SCAPER: variants seen among roughly 807,000 people sequenced by gnomAD.
SCAPER encodes the protein S phase cyclin A-associated protein in the endoplasmic reticulum.
Under a neutral mutation model 182.2 loss-of-function variants are expected in SCAPER, and 98 were observed. The ratio of observed to expected loss-of-function variants is 0.54; its 90% confidence interval spans 0.46 to 0.64. The LOEUF is 0.64. Among genes scored for constraint, SCAPER ranks in the 30% least tolerant of loss-of-function variants. The probability of loss-of-function intolerance (pLI) is 0.00; values close to 1 mark genes in which losing one functional copy is unlikely to be tolerated. For synonymous variants in SCAPER, 605 were observed against 564.6 expected, an observed-to-expected ratio of 1.07 and a Z score of -1.01; for missense variants, 1,432 against 1,690.0, an observed-to-expected ratio of 0.85 and a Z score of 2.68.
chr15:76,821,379 G>A (rs1165769773), intron 5 of SCAPER, among the ~76,000 whole-genome samples: 1 of 152,234 alleles, frequency 6.6e-6, no homozygotes, highest in African/African-American at 2.4e-5. Flanking sequence ...AGCACTTTGG[G>A]AGGCCAGGGC....
rs575462864 is a variant in SCAPER at position 76,610,701 on chromosome 15, ATTAC to A, written c.2711+11059_2711+11062del. 3.0e-3 allele frequency among the ~76,000 whole-genome samples: 451 copies of A among 152,340 alleles called. 1 individual carries two copies. The highest frequency in any genetic ancestry group is 5.6e-3 in the Non-Finnish European group (384 of 68,026). On this transcript the variant is annotated intron_variant, in intron 22 of 31. Coordinates refer to ENST00000563290, the MANE Select transcript of SCAPER (RefSeq NM_020843.4). Reference sequence around the variant, plus strand: ...TTTACATTAACAAGAAAAACAAAAAATTACTTAGTAATTAACTAAAAAGGTGAAA... The same window carrying A: ...TTTACATTAACAAGAAAAACAAAAAATTAGTAATTAACTAAAAAGGTGAAA...
At chr15:76,733,586 T>TA (rs571296940) in intron 15 of SCAPER, among the ~76,000 whole-genome samples, 7,566 of 138,288 alleles carry the variant, frequency 0.055, 208 homozygotes, top group South Asian at 0.13. Context: ...CCATCTCTAC[T>TA]AAAAAAAAAA....
chr15:76,517,608 C>G (rs1341166811), intron 23 of SCAPER, among the ~76,000 whole-genome samples: 1 of 152,102 alleles, frequency 6.6e-6, no homozygotes, highest in Non-Finnish European at 1.5e-5. Context: ...GCCTCGGCCT[C>G]CCAAAGCGCT....
chr15:76,518,402 C>A, intron 23 of SCAPER, among the ~76,000 whole-genome samples: 1 of 152,092 alleles, frequency 6.6e-6, no homozygotes, highest in East Asian at 1.9e-4. Flanking sequence ...TTCCAAGAAG[C>A]AGCTGGGGTA....
chr15:76,644,177 C>G (rs926711528), intron 21 of SCAPER, among the ~76,000 whole-genome samples: 8 of 152,186 alleles, frequency 5.3e-5, no homozygotes, highest in African/African-American at 1.4e-4. Flanking sequence ...CATTCTCTTA[C>G]AAGCACACAG....
At chr15:76,747,634 G>A (rs1028085037) in intron 15 of SCAPER, among the ~76,000 whole-genome samples, 2 of 152,152 alleles carry the variant, frequency 1.3e-5, no homozygotes, top group East Asian at 1.9e-4. Flanking sequence ...GGGGAGAGGG[G>A]TGAGTTCTGC....
chr15:76,839,997 T>C (rs2069309385), intron 5 of SCAPER, among the ~76,000 whole-genome samples: 2 of 152,228 alleles, frequency 1.3e-5, no homozygotes, highest in Non-Finnish European at 2.9e-5. Flanking sequence ...AATCTAGAGA[T>C]ATTCTAAGCC....
Position 76,700,582 on chromosome 15 carries a change from A to G in SCAPER, c.2508+1176T>C, listed in dbSNP as rs1361892829. 2.0e-5 allele frequency among the ~76,000 whole-genome samples: 3 copies of G among 152,126 alleles called. No homozygotes were observed. In the East Asian group the frequency reaches 5.8e-4, roughly 30 times the overall value. On this transcript the variant is annotated intron_variant, in intron 20 of 31. Coordinates refer to ENST00000563290, the MANE Select transcript of SCAPER (RefSeq NM_020843.4). ...TACTCTCAATGCCTTCCTTAGGAAG[A>G]TCTGCTCAGAGTGTGCCAGCCTTCT...
intron 20 of SCAPER, among the ~76,000 whole-genome samples, chr15:76,686,849 G>C (rs553566387): frequency 4.6e-5 from 7 of 152,034 alleles, no homozygotes; most frequent in African/African-American, 1.7e-4. Context: ...CAAAATAAAA[G>C]TATACATTTT....
chr15:76,667,737 G>C (rs11630402), intron 20 of SCAPER, among the ~76,000 whole-genome samples: 41,375 of 149,924 alleles, frequency 0.28, 6,420 homozygotes, highest in East Asian at 0.56. Flanking sequence ...AGGATCACTT[G>C]AGGGCAAGAG....
chr15:76,395,877 G>A (rs931138450), intron 27 of SCAPER, among the ~76,000 whole-genome samples: 1 of 151,986 alleles, frequency 6.6e-6, no homozygotes, highest in Non-Finnish European at 1.5e-5. Context: ...TTTTTGCTTC[G>A]GTTGCCTGTG....
At chr15:76,871,385 G>A (rs1407658566) in intron 2 of SCAPER, among the ~76,000 whole-genome samples, 2 of 146,704 alleles carry the variant, frequency 1.4e-5, no homozygotes, top group African/African-American at 5.1e-5. Context: ...CTCCAGCTTG[G>A]GGGACAGAAC....
In SCAPER at chr15:76,785,569, T is replaced by C. The variant is rs913011625; in HGVS notation, c.772+9711A>G. On this transcript the variant is annotated intron_variant, in intron 8 of 31. Transcript: ENST00000563290. ...TAGAAATCATGCTATTATAAAGACA[T>C]ATGCACACGTATGTTTATTGTGGCA... Among the ~76,000 whole-genome samples the C allele has an allele frequency of 9.7e-4, 148 of 152,214 alleles. 3 individuals are homozygous for C. Among genetic ancestry groups the C allele is most frequent in the Middle Eastern group, 3.4e-3 (1 of 294 alleles).
At chr15:76,534,586 G>A (rs1422846171) in intron 23 of SCAPER, among the ~76,000 whole-genome samples, 2 of 152,126 alleles carry the variant, frequency 1.3e-5, no homozygotes, top group Non-Finnish European at 2.9e-5. Flanking sequence ...GAAAGGGCAT[G>A]GAATAAAATT....
intron 20 of SCAPER, among the ~76,000 whole-genome samples, chr15:76,691,094 A>C (rs1293980996): frequency 6.6e-6 from 1 of 152,134 alleles, no homozygotes; most frequent in African/African-American, 2.4e-5. Context: ...ATATTAGAAA[A>C]TACCTTACAA....
At chr15:76,518,669 T>C (rs2042623520) in intron 23 of SCAPER, among the ~76,000 whole-genome samples, 1 of 152,200 alleles carries the variant, frequency 6.6e-6, no homozygotes, top group Admixed American at 6.5e-5. Flanking sequence ...AATGTGTTCC[T>C]ATCAGACTAT....
intron 20 of SCAPER, among the ~76,000 whole-genome samples, chr15:76,695,182 G>A (rs990880295): frequency 1.3e-5 from 2 of 152,084 alleles, no homozygotes; most frequent in African/African-American, 2.4e-5. Flanking sequence ...TTTGCACTCC[G>A]AATTTTATAC....
chr15:76,871,666 G>GGGTTCAAGCAATTCTCCA (rs1211842923), intron 2 of SCAPER, among the ~76,000 whole-genome samples: 2 of 149,760 alleles, frequency 1.3e-5, no homozygotes, highest in African/African-American at 2.5e-5. Flanking sequence ...TCTGCCTCCT[G>GGGTTCAAGCAATTCTCCA]GGTTCAAGCA....
In SCAPER at chr15:76,794,287, T is replaced by G. The variant is rs533821753; in HGVS notation, c.772+993A>C. Among the ~76,000 whole-genome samples the G allele has an allele frequency of 3.0e-3, 458 of 152,350 alleles. 1 individual carries two copies. Among genetic ancestry groups the G allele is most frequent in the Non-Finnish European group, 5.1e-3 (344 of 68,032 alleles). On this transcript the variant is annotated intron_variant, in intron 8 of 31. Transcript: ENST00000563290. ...GACTGCTTTAAACGAAACTGTGATA[T>G]GTATTAATACCATGATTCCTTTAAG...
Sources: gnomAD v4.1 joint callset for allele counts (sites outside exome capture counted in the v4.1 genomes callset) on GRCh38, gnomAD v4.1.1 for gene constraint, MANE v1.5 for transcripts, NCBI Gene and HGNC (gene_info 2026-07-23, HGNC 2026-07-21) for gene names.